Variants in ILDR2 observed in about 807,000 individuals in gnomAD.
ILDR2 encodes the protein immunoglobulin-like domain-containing receptor 2.
A neutral mutation model predicts 66.8 loss-of-function variants in ILDR2; 25 were observed. The ratio of observed to expected loss-of-function variants is 0.37; its 90% CI spans 0.27 to 0.52. The LOEUF (loss-of-function observed/expected upper bound fraction) is 0.52, where lower values mean the gene tolerates loss of function less well. ILDR2 is among the 20% of genes least tolerant of loss of function. The pLI, the probability that ILDR2 is intolerant of heterozygous loss-of-function variation, is 0.88. For synonymous variants in ILDR2, 367 were observed against 357.2 expected (o/e 1.03, Z -0.31); for missense variants, 827 against 876.8 (o/e 0.94, Z 0.72).
At position 166,910,456 on chromosome 1, in the gene ILDR2, A is replaced by G. The variant is rs1219362624; in HGVS notation, c.*8899T>C. On this transcript the variant is annotated 3_prime_UTR_variant, in exon 10 of 10. Transcript: ENST00000271417. ...ATAAATTCATATATAGCATTAAAAT[A>G]AGCTATATAAATTCATATGTAGCTT... The G allele has an allele frequency of 2.6e-5, 4 of 152,354 alleles. No individual in the cohort carries two copies. The East Asian group carries it at 7.7e-4, about 29-fold the overall frequency. The allele number at this position is 152,354 out of a possible 1,614,324, so 9.4% of individuals were successfully genotyped here. A position where few individuals can be genotyped will look rare whatever the true frequency, so the allele number is the denominator to read the frequency against.
chr1:166,941,655 T>C (rs1178558491), intron 3 of ILDR2, among the ~76,000 whole-genome samples: 1 of 152,248 alleles, frequency 6.6e-6, no homozygotes, highest in Non-Finnish European at 1.5e-5. Context: ...ATGTACTTGA[T>C]GGTGGATTTT....
At chr1:166,940,212 C>T (rs1661227509) in intron 3 of ILDR2, among the ~76,000 whole-genome samples, 1 of 152,128 alleles carries the variant, frequency 6.6e-6, no homozygotes, top group African/African-American at 2.4e-5. Flanking sequence ...GACCCAAGTG[C>T]CTTCTGCGTA....
chr1:166,951,612 T>C (rs1328999646), intron 3 of ILDR2, among the ~76,000 whole-genome samples: 2 of 152,222 alleles, frequency 1.3e-5, no homozygotes, highest in Non-Finnish European at 2.9e-5. Context: ...ACAATAAGCA[T>C]GTATCTTTTT....
At position 166,935,413 on chromosome 1, in the gene ILDR2, A is replaced by G; in HGVS notation, c.768T>C (p.Pro256=). 6.2e-7 allele frequency: 1 copy of G among 1,613,836 alleles called. No individual in the cohort carries two copies. The highest frequency in any genetic ancestry group is 1.1e-5 in the South Asian group (1 of 91,056). The change falls in exon 6 of 10, where the codon CCT becomes CCC. Residue 256 remains proline, a synonymous_variant. Coordinates refer to ENST00000271417, the MANE Select transcript of ILDR2 (RefSeq NM_199351.3). ...CCAAAGGGACAGAGGGGATGGAGTA[A>G]GGGCCGGGGACACCGGAGACAGAGG... ...YPPSVSGVPG[P]YSIPSVPLGG... is the part of the protein sequence containing the mutation.
chr1:166,958,827 A>C (rs1662438431), intron 1 of ILDR2, among the ~76,000 whole-genome samples: 1 of 152,142 alleles, frequency 6.6e-6, no homozygotes, highest in African/African-American at 2.4e-5. Flanking sequence ...ATCTGTCAAC[A>C]TCCAGTACAC....
intron 1 of ILDR2, among the ~76,000 whole-genome samples, chr1:166,972,213 C>CAA (rs753035219): frequency 8.1e-4 from 107 of 131,352 alleles, no homozygotes; most frequent in African/African-American, 2.9e-3. Flanking sequence ...CTCTGTCTCT[C>CAA]AAAAAAAAAA....
intron 2 of ILDR2, among the ~76,000 whole-genome samples, chr1:166,897,979 G>A (rs1208315674): frequency 6.6e-6 from 1 of 152,188 alleles, no homozygotes; most frequent in Non-Finnish European, 1.5e-5. Context: ...GGCATCTGAG[G>A]TAAGGGCAGT....
rs1234763740 is a variant in ILDR2 at position 166,909,771 on chromosome 1, A to T, written c.*9584T>A. The T allele has an allele frequency of 1.1e-4, 3 of 27,072 alleles. No homozygotes were observed. The highest frequency in any genetic ancestry group is 2.0e-4 in the Non-Finnish European group (3 of 14,858). 1.7% of individuals were successfully genotyped at this position (27,072 alleles called of 1,614,324 possible). On this transcript the variant is annotated 3_prime_UTR_variant, in exon 10 of 10. Coordinates refer to ENST00000271417, the MANE Select transcript of ILDR2 (RefSeq NM_199351.3). ...TATATATATATATAAATATATATAA[A>T]TATATATATTTATATATATATATAT...
At chr1:166,906,107 C>A (rs1454754358), downstream of ILDR2, among the ~76,000 whole-genome samples, 2 of 152,184 alleles carry the variant, frequency 1.3e-5, no homozygotes, top group East Asian at 3.9e-4. Context: ...GGAGTGACTG[C>A]TCCGCAGCCT....
At chr1:166,970,856 T>G (rs1663247762) in intron 1 of ILDR2, among the ~76,000 whole-genome samples, 1 of 152,016 alleles carries the variant, frequency 6.6e-6, no homozygotes. Flanking sequence ...CGAAAGAAGA[T>G]GGACGAGGTA....
chr1:166,921,466 G>T lies in ILDR2; in HGVS notation c.1212-87C>A. 1 of 1,176,696 alleles carries T rather than the reference G, an allele frequency of 8.5e-7. No individual in the cohort carries two copies. Among genetic ancestry groups the T allele is most frequent in the Non-Finnish European group, 1.2e-6 (1 of 855,632 alleles). The allele number at this position is 1,176,696 out of a possible 1,614,324, so 72.9% of individuals were successfully genotyped here. On this transcript the variant is annotated intron_variant, in intron 8 of 9. Transcript: ENST00000271417. This position sits in a 1 kb window ranked among gnomAD's most constrained non-coding sequence, Gnocchi z 5.3. ...CCCAAGAGCACCCATCGTGTCCTGG[G>T]GCCACGCTCAGGAGACCTCGGCCTG...
chr1:166,975,358 G>T lies in ILDR2; in HGVS notation c.-90C>A. 1 of 1,118,864 alleles carries T rather than the reference G, an allele frequency of 8.9e-7. No individual in the cohort carries two copies. Among genetic ancestry groups the T allele is most frequent in the Non-Finnish European group, 1.2e-6 (1 of 816,566 alleles). The allele number at this position is 1,118,864 out of a possible 1,614,324, so 69.3% of individuals were successfully genotyped here. A position where few individuals can be genotyped will look rare whatever the true frequency, so the allele number is the denominator to read the frequency against. On this transcript the variant is annotated 5_prime_UTR_variant, in exon 1 of 10. Coordinates refer to ENST00000271417, the MANE Select transcript of ILDR2 (RefSeq NM_199351.3). ...CGCTGTCACCCCGCGGCAGCGGGCG[G>T]CGGCGGAGCGGCGGGCACCGGGCGT...
At chr1:166,952,686 T>C (rs1296708469) in intron 3 of ILDR2, among the ~76,000 whole-genome samples, 1 of 152,122 alleles carries the variant, frequency 6.6e-6, no homozygotes, top group Non-Finnish European at 1.5e-5. Context: ...TTGTGGGCAG[T>C]TTGACTAAGA....
intron 3 of ILDR2, among the ~76,000 whole-genome samples, chr1:166,943,518 G>A (rs61815131): frequency 1.5e-5 from 2 of 136,780 alleles, no homozygotes; most frequent in East Asian, 4.2e-4. Context: ...AAAAAAAAAG[G>A]CTCTATAGCT....
chr1:166,907,301 T>C (rs553467452), downstream of ILDR2: 7 of 152,388 alleles, frequency 4.6e-5, no homozygotes, highest in African/African-American at 1.7e-4. Context: ...AATGAAAATA[T>C]ACACAATAGC....
chr1:166,947,708 A>G (rs1480518083), intron 3 of ILDR2, among the ~76,000 whole-genome samples: 1 of 152,036 alleles, frequency 6.6e-6, no homozygotes, highest in African/African-American at 2.4e-5. Context: ...CCCGACTACA[A>G]TGCAGCGCGC....
At chr1:166,933,457 C>G (rs912026824) in intron 6 of ILDR2, 2 of 571,858 alleles carry the variant, frequency 3.5e-6, no homozygotes, top group Non-Finnish European at 4.4e-6. Flanking sequence ...AGGGCTGCCA[C>G]CTGAACTGTT....
In ILDR2 at chr1:166,909,753, ATATAT is replaced by A. The variant is rs1659426670; in HGVS notation, c.*9597_*9601del. 1 of 74,658 alleles carries A rather than the reference ATATAT, an allele frequency of 1.3e-5. No homozygotes were observed. The highest frequency in any genetic ancestry group is 6.8e-5 in the African/African-American group (1 of 14,776). The allele number at this position is 74,658 out of a possible 1,614,324, so 4.6% of individuals were successfully genotyped here. ...TATACATACATATATATATATATAT[ATATAT>A]AAATATATATAAATATATATATTTA... On this transcript the variant is annotated 3_prime_UTR_variant, in exon 10 of 10. Transcript: ENST00000271417.
At chr1:166,925,164 A>C (rs553121901) in intron 7 of ILDR2, among the ~76,000 whole-genome samples, 1 of 152,332 alleles carries the variant, frequency 6.6e-6, no homozygotes, top group Admixed American at 6.5e-5. Flanking sequence ...TAGCAAATTC[A>C]TGAGCCTGGA....
Sources: allele counts gnomAD v4.1 joint callset (sites outside exome capture counted in the v4.1 genomes callset), GRCh38; gene constraint gnomAD v4.1.1; non-coding constraint Gnocchi (gnomAD v3.1); transcripts MANE v1.5; gene names NCBI Gene and HGNC (gene_info 2026-07-23, HGNC 2026-07-21).